The following LARGE1 variants were observed in gnomAD, a reference collection of about 807,000 sequenced individuals.
LARGE1 encodes xylosyl- and glucuronyltransferase LARGE1.
In LARGE1, 43 loss-of-function variants were observed where a neutral mutation model predicts 87.6. The ratio of observed to expected loss-of-function variants is 0.49; its 90% confidence interval spans 0.38 to 0.63. The LOEUF (loss-of-function observed/expected upper bound fraction) is 0.63, where lower values mean the gene tolerates loss of function less well. Among genes scored for constraint, LARGE1 ranks in the 30% least tolerant of loss-of-function variants. The pLI is 0.00. For missense variants in LARGE1, 802 were observed against 1,000.2 expected (o/e 0.80, Z 2.67); for synonymous variants, 434 against 394.6 (o/e 1.10, Z -1.18).
chr22:33,089,360 CT>C, the LARGE1 span, among the ~76,000 whole-genome samples: 36 of 75,852 alleles, frequency 4.7e-4, 1 homozygote, highest in African/African-American at 1.1e-3. Context: ...TCTTCTTCTT[CT>C]TCTTCTTCTC....
intron 1 of LARGE1, among the ~76,000 whole-genome samples, chr22:33,817,713 G>T (rs1440635379): frequency 1.3e-5 from 2 of 152,178 alleles, no homozygotes; most frequent in African/African-American, 4.8e-5. Flanking sequence ...TAATAAATCT[G>T]CCCTAGCATC....
chr22:33,777,929 T>C (rs529012106), intron 1 of LARGE1, among the ~76,000 whole-genome samples: 1 of 152,178 alleles, frequency 6.6e-6, no homozygotes, highest in African/African-American at 2.4e-5. Context: ...GGTAACACTA[T>C]GCTGAGGAGT....
At chr22:33,303,108 T>A (rs796611200) in intron 12 of LARGE1, among the ~76,000 whole-genome samples, 5 of 152,332 alleles carry the variant, frequency 3.3e-5, no homozygotes, top group African/African-American at 1.2e-4. Flanking sequence ...GCCATATGAC[T>A]TCCATGGCTC....
intron 6 of LARGE1, among the ~76,000 whole-genome samples, chr22:33,442,021 T>C (rs2067497998): frequency 6.6e-6 from 1 of 152,206 alleles, no homozygotes; most frequent in Non-Finnish European, 1.5e-5. Flanking sequence ...TACTGAACTA[T>C]GGCTCAGGGA....
chr22:33,177,193 A>G (rs906191344), intron 11 of LARGE1, among the ~76,000 whole-genome samples: 3 of 152,156 alleles, frequency 2.0e-5, no homozygotes, highest in African/African-American at 4.8e-5. Context: ...ATTAGGAGAA[A>G]TACCTAATGT....
chr22:33,606,063 C>T (rs547703513), intron 4 of LARGE1, among the ~76,000 whole-genome samples: 1 of 152,230 alleles, frequency 6.6e-6, no homozygotes, highest in African/African-American at 2.4e-5. Context: ...CTTAGTAGGG[C>T]TCCAGGGTTG....
chr22:33,635,960 TG>T (rs1396884735), intron 3 of LARGE1, among the ~76,000 whole-genome samples: 1 of 152,166 alleles, frequency 6.6e-6, no homozygotes, highest in Non-Finnish European at 1.5e-5. Context: ...GGAACAGGTG[TG>T]ACCACATGGG....
rs192169472 is a variant in LARGE1, at chr22:33,532,413, C to T, written c.787+32435G>A. Reference sequence around the variant, plus strand: ...TGCAGCAGGGAAATCTCTAGATGTGCAAGCCCTGACAAGGGGGAGACTAAA... The same window carrying T: ...TGCAGCAGGGAAATCTCTAGATGTGTAAGCCCTGACAAGGGGGAGACTAAA... On this transcript the variant is annotated intron_variant, in intron 6 of 14. Transcript: ENST00000397394. 2.7e-3 allele frequency among the ~76,000 whole-genome samples: 411 copies of T among 152,300 alleles called. 2 individuals are homozygous for T. Among genetic ancestry groups the T allele is most frequent in the African/African-American group, 9.5e-3 (395 of 41,562 alleles).
chr22:33,364,969 T>A (rs2064533332), intron 9 of LARGE1, among the ~76,000 whole-genome samples: 1 of 152,174 alleles, frequency 6.6e-6, no homozygotes, highest in Admixed American at 6.5e-5. Flanking sequence ...GTGCTGAGAT[T>A]ACTGGCATGA....
chr22:33,676,372 CAAAAAAAAAAAAAAAAAAA>C (rs10567981), intron 2 of LARGE1, among the ~76,000 whole-genome samples: 12 of 16,308 alleles, frequency 7.4e-4, no homozygotes, highest in South Asian at 5.6e-3. Context: ...GATTCAATGG[CAAAAAAAAAAAAAAAAAAA>C]AAAAAAAAAA....
chr22:33,817,097 T>C (rs566568386), intron 1 of LARGE1, among the ~76,000 whole-genome samples: 2 of 152,318 alleles, frequency 1.3e-5, no homozygotes, highest in African/African-American at 4.8e-5. Context: ...TAGACATACA[T>C]ACATGCATAC....
At chr22:33,712,309 G>C (rs1385586072) in intron 2 of LARGE1, among the ~76,000 whole-genome samples, 1 of 152,170 alleles carries the variant, frequency 6.6e-6, no homozygotes, top group Non-Finnish European at 1.5e-5. Context: ...AGCTAGTAAA[G>C]ATGCCAGCCT....
At chr22:33,590,841 A>C (rs1363407734) in intron 5 of LARGE1, among the ~76,000 whole-genome samples, 1 of 152,154 alleles carries the variant, frequency 6.6e-6, no homozygotes, top group African/African-American at 2.4e-5. Flanking sequence ...CATAGGTTTT[A>C]TTTCTCTTGG....
intron 2 of LARGE1, among the ~76,000 whole-genome samples, chr22:33,745,551 G>C (rs934976785): frequency 6.6e-6 from 1 of 152,112 alleles, no homozygotes; most frequent in Non-Finnish European, 1.5e-5. Context: ...GAACCAATCT[G>C]CCCCCAAACT....
intron 7 of LARGE1, among the ~76,000 whole-genome samples, chr22:33,421,555 C>T (rs1417203535): frequency 2.0e-5 from 3 of 152,314 alleles, no homozygotes; most frequent in South Asian, 2.1e-4. Flanking sequence ...GCAGGCCCTC[C>T]GTCTGCCTCT....
At chr22:33,328,024 A>G (rs966062027) in intron 10 of LARGE1, among the ~76,000 whole-genome samples, 16 of 152,228 alleles carry the variant, frequency 1.1e-4, no homozygotes, top group African/African-American at 3.9e-4. Context: ...GTAGTCACAG[A>G]GCTTACATTC....
intron 1 of LARGE1, among the ~76,000 whole-genome samples, chr22:33,807,143 C>T (rs1384554143): frequency 1.3e-5 from 2 of 152,166 alleles, no homozygotes; most frequent in African/African-American, 4.8e-5. Flanking sequence ...TGTCTGTATG[C>T]AAATCCCAGC....
chr22:33,154,721 A>G, the LARGE1 span, among the ~76,000 whole-genome samples: 1 of 151,810 alleles, frequency 6.6e-6, no homozygotes, highest in South Asian at 2.1e-4. Flanking sequence ...GAAAATATTT[A>G]TTTATAAAGA....
At chr22:33,567,768 C>T (rs1310973923) in intron 5 of LARGE1, among the ~76,000 whole-genome samples, 1 of 152,176 alleles carries the variant, frequency 6.6e-6, no homozygotes, top group African/African-American at 2.4e-5. Context: ...CTCTCACCCT[C>T]CCCTCTTTTG....
Sources: gnomAD v4.1 joint callset for allele counts (sites outside exome capture counted in the v4.1 genomes callset) on GRCh38, gnomAD v4.1.1 for gene constraint, MANE v1.5 for transcripts, NCBI Gene and HGNC (gene_info 2026-07-23, HGNC 2026-07-21) for gene names.